The following SH3BGRL variants were observed in gnomAD, a reference collection of about 807,000 sequenced individuals.
SH3BGRL encodes adapter SH3BGRL.
Under a neutral mutation model 9.8 loss-of-function variants are expected in SH3BGRL, and 7 were observed. That is an observed-to-expected ratio of 0.72 (90% CI 0.41 to 1.35). SH3BGRL has a LOEUF of 1.35. Ranked by LOEUF, SH3BGRL falls within the 40% of genes most tolerant of loss-of-function variation. SH3BGRL has a pLI of 0.01. For synonymous variants in SH3BGRL, 36 were observed against 29.1 expected (o/e 1.24, Z -0.76); for missense variants, 73 against 84.4 (o/e 0.86, Z 0.53).
At chrX:81,202,420 T>G (rs1254862521) in intron 1 of SH3BGRL, 175 bp downstream of exon 1, 6 of 1,026,406 alleles carry the variant, frequency 5.8e-6, no homozygotes, top group Non-Finnish European at 7.4e-6. Flanking sequence ...ATTTCATTTT[T>G]TTTTTTTTCC....
chrX:81,269,074 T>A (rs1470356935), intron 1 of SH3BGRL, among the ~76,000 whole-genome samples: 1 of 111,589 alleles, frequency 9.0e-6, no homozygotes, highest in Non-Finnish European at 1.9e-5. Flanking sequence ...GCTTGATAGA[T>A]CTTCCTCTAT....
At chrX:81,291,809 A>G (rs2075858847) in intron 3 of SH3BGRL, among the ~76,000 whole-genome samples, 1 of 112,190 alleles carries the variant, frequency 8.9e-6, no homozygotes, top group Non-Finnish European at 1.9e-5. Context: ...AAAACTGACA[A>G]AATTGCTCTA....
intron 1 of SH3BGRL, among the ~76,000 whole-genome samples, chrX:81,226,534 C>CTA (rs1158307275): frequency 8.9e-5 from 9 of 101,591 alleles, no homozygotes; most frequent in South Asian, 4.2e-4. Context: ...ATATCTCTCT[C>CTA]TCTATATATA....
chrX:81,207,928 G>A (rs1333130036), intron 1 of SH3BGRL, among the ~76,000 whole-genome samples: 1 of 111,775 alleles, frequency 8.9e-6, no homozygotes. Context: ...TTACATGGTT[G>A]TAGGGAAGAA....
intron 3 of SH3BGRL, among the ~76,000 whole-genome samples, chrX:81,286,798 T>A (rs1444925693): frequency 9.0e-6 from 1 of 111,579 alleles, no homozygotes; most frequent in African/African-American, 3.2e-5. Context: ...GAACATTATA[T>A]GCTTGCTCTT....
chrX:81,247,662 T>G (rs970436796), intron 1 of SH3BGRL, among the ~76,000 whole-genome samples: 1 of 111,541 alleles, frequency 9.0e-6, no homozygotes, highest in Non-Finnish European at 1.9e-5. Context: ...AAGTCCTGCT[T>G]GATTGTGGTG....
At chrX:81,205,504 GTATATA>G (rs34834268) in intron 1 of SH3BGRL, among the ~76,000 whole-genome samples, 33 of 85,146 alleles carry the variant, frequency 3.9e-4, no homozygotes, top group African/African-American at 6.4e-4. Context: ...GTGTGTGTGT[GTATATA>G]TATATATATA....
chrX:81,225,674 G>A (rs1057166602), intron 1 of SH3BGRL, among the ~76,000 whole-genome samples: 2 of 111,131 alleles, frequency 1.8e-5, no homozygotes, highest in South Asian at 3.7e-4. Flanking sequence ...GACACGGGTT[G>A]ATTCTGTGAC....
chrX:81,206,132 G>C (rs1413094150), intron 1 of SH3BGRL, among the ~76,000 whole-genome samples: 1 of 111,150 alleles, frequency 9.0e-6, no homozygotes, highest in Non-Finnish European at 1.9e-5. Context: ...TTGTCAGATG[G>C]ATAGTTGGAA....
chrX:81,284,150 C>A (rs2075826876), intron 3 of SH3BGRL, among the ~76,000 whole-genome samples: 1 of 110,506 alleles, frequency 9.0e-6, no homozygotes, highest in Non-Finnish European at 1.9e-5. Flanking sequence ...CAAAACACTG[C>A]TGAAAGAAAT....
chrX:81,270,642 C>A (rs2075775183), intron 1 of SH3BGRL, among the ~76,000 whole-genome samples: 2 of 111,863 alleles, frequency 1.8e-5, no homozygotes, highest in South Asian at 7.4e-4. Flanking sequence ...TGTCTGTTGG[C>A]CCCTACTGGG....
intron 1 of SH3BGRL, among the ~76,000 whole-genome samples, chrX:81,238,083 A>G (rs2075654187): frequency 1.8e-5 from 2 of 109,440 alleles, no homozygotes; most frequent in African/African-American, 3.3e-5. Context: ...TGAATAACCA[A>G]CAGTGATTCC....
intron 1 of SH3BGRL, among the ~76,000 whole-genome samples, chrX:81,208,022 C>T (rs1413693310): frequency 1.8e-5 from 2 of 111,403 alleles, no homozygotes; most frequent in Non-Finnish European, 3.8e-5. Context: ...TTTGGGAGGC[C>T]GAGCTAGGCG....
At chrX:81,280,575 T>G (rs892830443) in intron 3 of SH3BGRL, among the ~76,000 whole-genome samples, 1 of 111,051 alleles carries the variant, frequency 9.0e-6, no homozygotes, top group Non-Finnish European at 1.9e-5. Flanking sequence ...GAGACAACAA[T>G]CACTGCAGTT....
At chrX:81,251,766 G>A (rs1432157998) in intron 1 of SH3BGRL, among the ~76,000 whole-genome samples, 7 of 112,024 alleles carry the variant, frequency 6.2e-5, no homozygotes, top group Non-Finnish European at 1.3e-4. Flanking sequence ...CCTGAAAACT[G>A]AGGCTGTGGA....
intron 1 of SH3BGRL, among the ~76,000 whole-genome samples, chrX:81,226,018 A>C (rs2147676238): frequency 9.0e-6 from 1 of 111,485 alleles, no homozygotes; most frequent in South Asian, 3.8e-4. Flanking sequence ...GATCTCTTAA[A>C]GTTATTCTTC....
intron 1 of SH3BGRL, among the ~76,000 whole-genome samples, chrX:81,231,730 G>C (rs1038115442): frequency 8.9e-6 from 1 of 111,940 alleles, no homozygotes; most frequent in Non-Finnish European, 1.9e-5. Flanking sequence ...GAACCTTTTG[G>C]AGCTCAGTCA....
chrX:81,216,803 A>G (rs967894429), intron 1 of SH3BGRL, among the ~76,000 whole-genome samples: 1 of 111,847 alleles, frequency 8.9e-6, no homozygotes, highest in African/African-American at 3.2e-5. Flanking sequence ...GTAATACTCC[A>G]TTGTGTATAT....
chrX:81,257,008 G>T (rs1251911609), intron 1 of SH3BGRL, among the ~76,000 whole-genome samples: 1 of 110,950 alleles, frequency 9.0e-6, no homozygotes, highest in Non-Finnish European at 1.9e-5. Flanking sequence ...TAAAATACTA[G>T]CTACCAATCC....
Sources: gnomAD v4.1 joint callset for allele counts (sites outside exome capture counted in the v4.1 genomes callset) on GRCh38, gnomAD v4.1.1 for gene constraint, MANE v1.5 for transcripts, NCBI Gene and HGNC (gene_info 2026-07-23, HGNC 2026-07-21) for gene names.